The following GRIA2 variants were observed in gnomAD, a reference collection of about 807,000 sequenced individuals.
GRIA2 encodes glutamate receptor 2.
Under a neutral mutation model 97.3 loss-of-function variants are expected in GRIA2, and 14 were observed. The observed-to-expected ratio is 0.14, with a 90% CI of 0.10 to 0.23. The LOEUF (loss-of-function observed/expected upper bound fraction) is 0.23, where lower values mean the gene tolerates loss of function less well. Ranked by LOEUF, GRIA2 falls within the 10% of genes least tolerant of loss-of-function variation. The probability of loss-of-function intolerance (pLI) is 1.00; values close to 1 mark genes in which losing one functional copy is unlikely to be tolerated. For missense variants in GRIA2, 558 were observed against 1,069.8 expected (o/e 0.52, Z 6.67); for synonymous variants, 412 against 387.8 (o/e 1.06, Z -0.73).
At chr4:157,349,695 G>A (rs1735922602) in intron 12 of GRIA2, among the ~76,000 whole-genome samples, 1 of 152,032 alleles carries the variant, frequency 6.6e-6, no homozygotes, top group Admixed American at 6.6e-5. Context: ...GAATATCATA[G>A]ACTTTTAAAT....
intron 2 of GRIA2, among the ~76,000 whole-genome samples, chr4:157,267,764 G>A (rs550323879): frequency 4.8e-4 from 73 of 152,158 alleles, no homozygotes; most frequent in South Asian, 1.2e-3. Context: ...AACATTAGGA[G>A]CAGTTTTTTT....
At chr4:157,239,960 C>T (rs1338626287) in intron 2 of GRIA2, among the ~76,000 whole-genome samples, 1 of 151,714 alleles carries the variant, frequency 6.6e-6, no homozygotes, top group Non-Finnish European at 1.5e-5. Context: ...ATTCATCTTC[C>T]TTGTGCAAAC....
At chr4:157,343,209 C>A (rs1034252769) in intron 12 of GRIA2, among the ~76,000 whole-genome samples, 3 of 151,982 alleles carry the variant, frequency 2.0e-5, no homozygotes, top group Non-Finnish European at 4.4e-5. Flanking sequence ...GATAGTTAGG[C>A]AAATTGATGA....
At chr4:157,355,973 A>G (rs561717064) in intron 12 of GRIA2, among the ~76,000 whole-genome samples, 8 of 42,240 alleles carry the variant, frequency 1.9e-4, no homozygotes, top group Admixed American at 3.9e-4. Context: ...GTATATTAAT[A>G]TATATATTTA....
intron 2 of GRIA2, among the ~76,000 whole-genome samples, chr4:157,276,677 A>G (rs1732331357): frequency 6.6e-6 from 1 of 151,908 alleles, no homozygotes; most frequent in South Asian, 2.1e-4. Context: ...ATGATACAAA[A>G]TGCTAATATA....
chr4:157,272,630 G>C lies in GRIA2; in HGVS notation c.230-30922G>C, dbSNP rs80094773. On this transcript the variant is annotated intron_variant, in intron 2 of 15. Coordinates refer to ENST00000264426, the MANE Select transcript of GRIA2 (RefSeq NM_001083619.3). ...GTGAATATCAGAGAAAAATCCTCTT[G>C]TGCTTCTGGCAGGGAGAGGGGAAAA... is the stretch of plus-strand genomic sequence containing the variant. 4.0e-4 allele frequency among the ~76,000 whole-genome samples: 61 copies of C among 152,188 alleles called. 2 individuals carry two copies. In the East Asian group the frequency reaches 0.012, roughly 29 times the overall value.
chr4:157,333,532 T>C (rs1735153024), intron 8 of GRIA2, among the ~76,000 whole-genome samples, 179 bp downstream of exon 8: 1 of 152,044 alleles, frequency 6.6e-6, no homozygotes, highest in South Asian at 2.1e-4. Flanking sequence ...GTAAGTAACA[T>C]TGAATTGTAA....
chr4:157,279,435 T>C (rs1387264893), intron 2 of GRIA2, among the ~76,000 whole-genome samples: 1 of 152,102 alleles, frequency 6.6e-6, no homozygotes, highest in Non-Finnish European at 1.5e-5. Flanking sequence ...TGTCAGAGGC[T>C]GAAGGAGGGA....
intron 2 of GRIA2, among the ~76,000 whole-genome samples, chr4:157,241,778 C>T (rs1320779010): frequency 6.6e-6 from 1 of 151,968 alleles, no homozygotes; most frequent in Non-Finnish European, 1.5e-5. Context: ...TTAGAAAATA[C>T]AGCTTTCATG....
chr4:157,289,266 A>G (rs1365264790), intron 2 of GRIA2, among the ~76,000 whole-genome samples: 1 of 151,956 alleles, frequency 6.6e-6, no homozygotes, highest in African/African-American at 2.4e-5. Context: ...ATAAGGACTT[A>G]TATAATTAAA....
At chr4:157,233,265 T>C (rs1312624169) in intron 2 of GRIA2, among the ~76,000 whole-genome samples, 1 of 152,156 alleles carries the variant, frequency 6.6e-6, no homozygotes, top group African/African-American at 2.4e-5. Context: ...AAACCTGAGG[T>C]GTTACTCGAG....
At chr4:157,296,504 C>A (rs1733355829) in intron 2 of GRIA2, among the ~76,000 whole-genome samples, 1 of 152,112 alleles carries the variant, frequency 6.6e-6, no homozygotes, top group Non-Finnish European at 1.5e-5. Flanking sequence ...TTGTCAATAA[C>A]ACATTTACCT....
intron 2 of GRIA2, chr4:157,249,466 T>C (rs1045592239): frequency 3.3e-5 from 5 of 152,162 alleles, no homozygotes; most frequent in African/African-American, 1.2e-4. Flanking sequence ...TTACTGATTA[T>C]TTATTGAATG....
chr4:157,239,087 C>A (rs530458893), intron 2 of GRIA2, among the ~76,000 whole-genome samples: 1 of 152,176 alleles, frequency 6.6e-6, no homozygotes, highest in East Asian at 1.9e-4. Flanking sequence ...AGTTGCACAT[C>A]TAGCAATTTA....
At chr4:157,276,596 G>T (rs868385410) in intron 2 of GRIA2, among the ~76,000 whole-genome samples, 1 of 151,664 alleles carries the variant, frequency 6.6e-6, no homozygotes, top group African/African-American at 2.4e-5. Flanking sequence ...ACCAAAAGGT[G>T]TTTTTTTAAT....
At chr4:157,302,431 C>T (rs1216574923) in intron 2 of GRIA2, among the ~76,000 whole-genome samples, 1 of 151,984 alleles carries the variant, frequency 6.6e-6, no homozygotes, top group African/African-American at 2.4e-5. Context: ...GTAAGATAAG[C>T]CATATTACTT....
intron 12 of GRIA2, chr4:157,342,114 T>C: frequency 1.0e-6 from 1 of 975,146 alleles, no homozygotes; most frequent in Non-Finnish European, 1.2e-6. Context: ...TACTATTGTG[T>C]GTATAAAACA....
chr4:157,257,702 T>C lies in GRIA2; in HGVS notation c.229+35895T>C, dbSNP rs370811740. ...TATGGCAACCAACTAAATTTTCTAC[T>C]AGAAATAATTTTATCCAGCACAATT... On this transcript the variant is annotated intron_variant, in intron 2 of 15. Transcript: ENST00000264426. Among the ~76,000 whole-genome samples the C allele has an allele frequency of 6.6e-3, 1,005 of 152,208 alleles. 4 individuals carry two copies. The highest frequency in any genetic ancestry group is 9.4e-3 in the Non-Finnish European group (639 of 67,998).
rs182204181 is a variant in GRIA2, at chr4:157,297,734, A to C, written c.230-5818A>C. On this transcript the variant is annotated intron_variant, in intron 2 of 15. Coordinates refer to ENST00000264426, the MANE Select transcript of GRIA2 (RefSeq NM_001083619.3). ...GATATTTAATTGTTTAGATTAAAGT[A>C]ATATGTGTTTAGATATTGTAAAACA... 5.2e-4 allele frequency among the ~76,000 whole-genome samples: 79 copies of C among 152,272 alleles called. No homozygotes were observed. The East Asian group carries it at 0.011, about 20-fold the overall frequency.
Sources: allele counts gnomAD v4.1 joint callset (sites outside exome capture counted in the v4.1 genomes callset), GRCh38; gene constraint gnomAD v4.1.1; transcripts MANE v1.5; gene names NCBI Gene and HGNC (gene_info 2026-07-23, HGNC 2026-07-21).